The following LZTS1 variants were observed in gnomAD, a reference collection of about 807,000 sequenced individuals.
The protein encoded by LZTS1 is leucine zipper tumor suppressor 1, also known as leucine zipper putative tumor suppressor 1.
In LZTS1, 31 loss-of-function variants were observed where a neutral mutation model predicts 45.8. The ratio of observed to expected loss-of-function variants is 0.68; its 90% CI spans 0.51 to 0.91. The LOEUF (loss-of-function observed/expected upper bound fraction) is 0.91. Ranked by LOEUF, LZTS1 falls within the 40% of genes least tolerant of loss-of-function variation. LZTS1 has a pLI of 0.00. For missense variants in LZTS1, 821 were observed against 788.9 expected, an observed-to-expected ratio of 1.04 and a Z score of -0.49; for synonymous variants, 359 against 357.3, an observed-to-expected ratio of 1.00 and a Z score of -0.05.
Position 20,251,120 on chromosome 8 carries a change from T to C in LZTS1, c.1150-757A>G, listed in dbSNP as rs1315842977. 5.9e-3 allele frequency among the ~76,000 whole-genome samples: 132 copies of C among 22,518 alleles called. 6 individuals carry two copies. The highest frequency in any genetic ancestry group is 0.028 in the African/African-American group (129 of 4,654). The allele number at this position is 22,518 out of a possible 152,430, so 14.8% of individuals were successfully genotyped here. On this transcript the variant is annotated intron_variant, in intron 3 of 3. Coordinates refer to ENST00000381569, the MANE Select transcript of LZTS1 (RefSeq NM_021020.5). The stretch of plus-strand genomic sequence containing the variant: ...GCTAATATATATATATATATATATA[T>C]ATATATATATATATATATATATATA...
At chr8:20,256,007 C>G (rs1201716800) in intron 1 of LZTS1, among the ~76,000 whole-genome samples, 3 of 124,864 alleles carry the variant, frequency 2.4e-5, no homozygotes, top group Non-Finnish European at 4.7e-5. Flanking sequence ...CCCCGGGGAT[C>G]AAGGCTGCAG....
Position 20,255,178 on chromosome 8 carries a change from C to T in LZTS1, c.4G>A (p.Gly2Ser), listed in dbSNP as rs1325277077. The change falls in exon 2 of 4, where the codon GGC becomes AGC. Residue 2 changes from glycine to serine, a missense_variant. By Grantham distance (56) the Gly-to-Ser change is moderately conservative (BLOSUM62 0). Coordinates refer to ENST00000381569, the MANE Select transcript of LZTS1 (RefSeq NM_021020.5). ...CCGGAGATGAGGCTACTGACGCTGC[C>T]CATGGTGACTCGGGGCTGAGGATGG... is the stretch of plus-strand genomic sequence containing the variant. MGSVSSLISGHS... is the reference protein window; with the variant it reads MSSVSSLISGHS... 6.2e-7 allele frequency: 1 copy of T among 1,609,852 alleles called. No individual in the cohort carries two copies. Among genetic ancestry groups the T allele is most frequent in the Non-Finnish European group, 8.5e-7 (1 of 1,177,640 alleles).
chr8:20,275,931 A>T (rs1800571261), intron 1 of LZTS1: 1 of 152,300 alleles, frequency 6.6e-6, no homozygotes, highest in Non-Finnish European at 1.5e-5. Context: ...GGTTGAGTGC[A>T]TTTCAACATG....
chr8:20,255,328 A>G lies in LZTS1; in HGVS notation c.-134-13T>C. ...GAGAGCCGTAGACCTGGAAGAAGAC[A>G]CAAGACAGAAGTCAGCGTGGGTGGG... On this transcript the variant is annotated splice_polypyrimidine_tract_variant and intron_variant, in intron 1 of 3. Transcript: ENST00000381569. The G allele has an allele frequency of 7.0e-7, 1 of 1,437,328 alleles. No individual in the cohort carries two copies. Among genetic ancestry groups the G allele is most frequent in the Non-Finnish European group, 9.1e-7 (1 of 1,100,724 alleles). 89.0% of individuals were successfully genotyped at this position (1,437,328 alleles called of 1,614,324 possible). A position where few individuals can be genotyped will look rare whatever the true frequency, so the allele number is the denominator to read the frequency against.
intron 1 of LZTS1, among the ~76,000 whole-genome samples, chr8:20,270,224 A>C (rs1220848640): frequency 6.6e-6 from 1 of 152,268 alleles, no homozygotes; most frequent in East Asian, 1.9e-4. Context: ...GCTGGGCTGG[A>C]AGCCTGACCC....
At chr8:20,258,428 CTG>C (rs1800155602) in intron 1 of LZTS1, among the ~76,000 whole-genome samples, 1 of 152,118 alleles carries the variant, frequency 6.6e-6, no homozygotes, top group Non-Finnish European at 1.5e-5. Flanking sequence ...CATGGAGACT[CTG>C]TGACTCTGAA....
chr8:20,303,050 A>C (rs1172879558), intron 1 of LZTS1, among the ~76,000 whole-genome samples: 1 of 151,914 alleles, frequency 6.6e-6, no homozygotes, highest in East Asian at 1.9e-4. Context: ...GCGGTGGAAG[A>C]AGTGAAGGTA....
Position 20,250,328 on chromosome 8 carries a change from C to T in LZTS1, c.1185G>A (p.Lys395=), listed in dbSNP as rs1799862119. 2 of 1,609,934 alleles carry T rather than the reference C, an allele frequency of 1.2e-6. No homozygotes were observed. The highest frequency in any genetic ancestry group is 1.7e-6 in the Non-Finnish European group (2 of 1,177,400). Reference sequence around the variant, plus strand: ...CCGTCTGGGACTCCTTCAGCTGCTGCTTCAGGAGGGAGATCTCGCCTGACT... The same window carrying T: ...CCGTCTGGGACTCCTTCAGCTGCTGTTTCAGGAGGGAGATCTCGCCTGACT... ...CQKSGEISLL[K]QQLKESQTEV... is the part of the protein sequence containing the mutation. The change falls in exon 4 of 4, where the codon AAG becomes AAA. Residue 395 remains lysine, a synonymous_variant. Coordinates refer to ENST00000381569, the MANE Select transcript of LZTS1 (RefSeq NM_021020.5).
chr8:20,278,715 T>C (rs1452549301), intron 1 of LZTS1, among the ~76,000 whole-genome samples: 1 of 152,222 alleles, frequency 6.6e-6, no homozygotes, highest in Non-Finnish European at 1.5e-5. Flanking sequence ...TCAATACATA[T>C]TCATCAAATG....
rs1174889489 is a variant in LZTS1, at chr8:20,247,035, G to A, written c.*2687C>T. 6.6e-6 allele frequency: 1 copy of A among 152,372 alleles called. No homozygotes were observed. Among genetic ancestry groups the A allele is most frequent in the African/African-American group, 2.4e-5 (1 of 41,464 alleles). 9.4% of individuals were successfully genotyped at this position (152,372 alleles called of 1,614,324 possible). A position where few individuals can be genotyped will look rare whatever the true frequency, so the allele number is the denominator to read the frequency against. On this transcript the variant is annotated 3_prime_UTR_variant, in exon 4 of 4. Transcript: ENST00000381569. Reference sequence around the variant, plus strand: ...GAAAGAACACCCACAGGAAGGTGAGGTTGCAAGGTCGCAGGATACTTGCAT... The same window carrying A: ...GAAAGAACACCCACAGGAAGGTGAGATTGCAAGGTCGCAGGATACTTGCAT...
At chr8:20,276,245 AT>A (rs67555163) in intron 1 of LZTS1, among the ~76,000 whole-genome samples, 3,378 of 145,752 alleles carry the variant, frequency 0.023, 119 homozygotes, top group African/African-American at 0.08. Context: ...CTCCAGAGTG[AT>A]TTTTTTTTTT....
chr8:20,299,454 G>A (rs1801035412), intron 1 of LZTS1, among the ~76,000 whole-genome samples: 1 of 152,164 alleles, frequency 6.6e-6, no homozygotes. Context: ...CTTGTCATTG[G>A]TTCAGGTGTG....
chr8:20,273,638 C>A (rs1298567046), intron 1 of LZTS1, among the ~76,000 whole-genome samples: 1 of 152,148 alleles, frequency 6.6e-6, no homozygotes, highest in Admixed American at 6.5e-5. Context: ...CAGCCCTCAC[C>A]CTACATCTGA....
intron 1 of LZTS1, among the ~76,000 whole-genome samples, chr8:20,295,861 C>A (rs1800970299): frequency 6.6e-6 from 1 of 152,166 alleles, no homozygotes; most frequent in Admixed American, 6.5e-5. Context: ...TAATGCCCCC[C>A]CAATCCAGTG....
intron 1 of LZTS1, among the ~76,000 whole-genome samples, chr8:20,279,042 G>A (rs552393611): frequency 2.0e-5 from 3 of 152,256 alleles, no homozygotes; most frequent in Non-Finnish European, 4.4e-5. Flanking sequence ...ATGTGCCACA[G>A]GCACAACCTA....
At chr8:20,280,592 G>A (rs1206438186) in intron 1 of LZTS1, among the ~76,000 whole-genome samples, 1 of 152,214 alleles carries the variant, frequency 6.6e-6, no homozygotes, top group Non-Finnish European at 1.5e-5. Context: ...CCTGAATGTG[G>A]AACTGCCTTC....
intron 1 of LZTS1, among the ~76,000 whole-genome samples, chr8:20,276,493 G>A (rs2132703): frequency 0.34 from 51,049 of 152,106 alleles, 10,094 homozygotes; most frequent in Non-Finnish European, 0.43. Flanking sequence ...AACACCTGGA[G>A]GGTCTTGGAG....
chr8:20,280,552 G>A (rs2128897226), intron 1 of LZTS1, among the ~76,000 whole-genome samples: 1 of 152,302 alleles, frequency 6.6e-6, no homozygotes, highest in Non-Finnish European at 1.5e-5. Context: ...CATTAGCAGT[G>A]AGAACACTTG....
rs1800070728 is a variant in LZTS1, at chr8:20,255,294, A to G, written c.-113T>C. 1 of 1,447,812 alleles carries G rather than the reference A, an allele frequency of 6.9e-7. No individual in the cohort carries two copies. The highest frequency in any genetic ancestry group is 1.5e-5 in the South Asian group (1 of 68,544). The allele number at this position is 1,447,812 out of a possible 1,614,324, so 89.7% of individuals were successfully genotyped here. On this transcript the variant is annotated 5_prime_UTR_variant, in exon 2 of 4. Coordinates refer to ENST00000381569, the MANE Select transcript of LZTS1 (RefSeq NM_021020.5). ...ACTGAGGTCATAGCAAAGCCCTCAC[A>G]GAGCCTGCGAGAGCCGTAGACCTGG...
Sources: allele counts gnomAD v4.1 joint callset (sites outside exome capture counted in the v4.1 genomes callset), GRCh38; gene constraint gnomAD v4.1.1; transcripts MANE v1.5; gene names NCBI Gene and HGNC (gene_info 2026-07-23, HGNC 2026-07-21).